Variants in HAVCR1 observed in about 807,000 individuals in gnomAD.
HAVCR1 encodes hepatitis A virus cellular receptor 1.
In HAVCR1, 34 loss-of-function variants were observed where a neutral mutation model predicts 32.0. That is an observed-to-expected ratio of 1.06 (90% CI 0.81 to 1.42). The LOEUF (loss-of-function observed/expected upper bound fraction) is 1.42. Ranked by LOEUF, HAVCR1 falls within the 40% of genes most tolerant of loss-of-function variation. The pLI is 0.00. For missense variants in HAVCR1, 420 were observed against 442.3 expected (o/e 0.95, Z 0.45); for synonymous variants, 178 against 170.3 (o/e 1.05, Z -0.35).
rs772744341 is a variant in HAVCR1 at position 157,055,153 on chromosome 5, G to A, written c.379+48C>T. 4.3e-5 allele frequency: 44 copies of A among 1,033,048 alleles called. No individual in the cohort carries two copies. In the East Asian group the frequency reaches 7.2e-4, roughly 17 times the overall value. 64.0% of individuals were successfully genotyped at this position (1,033,048 alleles called of 1,614,324 possible). The stretch of plus-strand genomic sequence containing the variant: ...ATTAAGAAAAAAGAAAATTACTACC[G>A]AACAGAAAATTCAATTAACTAGCAA... On this transcript the variant is annotated intron_variant, in intron 3 of 8. Transcript: ENST00000523175.
At chr5:157,068,420 C>CA in the HAVCR1 span, among the ~76,000 whole-genome samples, 459 of 151,882 alleles carry the variant, frequency 3.0e-3, 9 homozygotes, top group Non-Finnish European at 4.6e-4. Context: ...CGTATCTCTA[C>CA]AAAAAAAATT....
chr5:157,049,998 T>C (rs190202315), intron 4 of HAVCR1, among the ~76,000 whole-genome samples: 10 of 152,330 alleles, frequency 6.6e-5, no homozygotes, highest in Admixed American at 6.5e-4. Context: ...CACAAAGCAT[T>C]TACATGATTC....
Position 157,057,415 on chromosome 5 carries a change from GAAAGAAAGAAAGAAAGA to G in HAVCR1, c.46+466_46+482del, listed in dbSNP as rs1561606105. 3.0e-3 allele frequency among the ~76,000 whole-genome samples: 388 copies of G among 130,904 alleles called. 3 individuals are homozygous for G. The highest frequency in any genetic ancestry group is 0.01 in the African/African-American group (366 of 36,320). 85.9% of individuals were successfully genotyped at this position (130,904 alleles called of 152,430 possible). The stretch of plus-strand genomic sequence containing the variant: ...AGAAAGAAAGAAAGAAAGAAAGAAA[GAAAGAAAGAAAGAAAGA>G]AAGAAAGAAAGAAAGAAAGAAAGAA... On this transcript the variant is annotated intron_variant, in intron 2 of 8. Coordinates refer to ENST00000523175, the MANE Select transcript of HAVCR1 (RefSeq NM_001173393.3).
Position 157,049,021 on chromosome 5 carries a change from AAAGAGAACGCAGTTACCT to A in HAVCR1, c.780_781+16del. ...GTTTGAATGATCCCAGGTCTTCAGG[AAAGAGAACGCAGTTACCT>A]GTTGTGTAAGAGTACAATGGTGAGC... On this transcript the variant is annotated splice_donor_variant and splice_donor_5th_base_variant and coding_sequence_variant and intron_variant, in exon 5 of 9. Coordinates refer to ENST00000523175, the MANE Select transcript of HAVCR1 (RefSeq NM_001173393.3). LOFTEE classifies it high-confidence loss of function. 1 of 1,396,196 alleles carries A rather than the reference AAAGAGAACGCAGTTACCT, an allele frequency of 7.2e-7. No homozygotes were observed. Among genetic ancestry groups the A allele is most frequent in the Non-Finnish European group, 1.0e-6 (1 of 980,956 alleles). The allele number at this position is 1,396,196 out of a possible 1,614,324, so 86.5% of individuals were successfully genotyped here. A position where few individuals can be genotyped will look rare whatever the true frequency, so the allele number is the denominator to read the frequency against.
chr5:157,054,558 G>C (rs1424445211), intron 3 of HAVCR1, among the ~76,000 whole-genome samples: 1 of 152,112 alleles, frequency 6.6e-6, no homozygotes, highest in African/African-American at 2.4e-5. Context: ...AATAAATTCA[G>C]CTTGATAAAA....
upstream of HAVCR1, among the ~76,000 whole-genome samples, chr5:157,060,802 C>T (rs55712198): frequency 0.014 from 2,103 of 152,220 alleles, 14 homozygotes; most frequent in Non-Finnish European, 0.023. Flanking sequence ...ATATTGGTTA[C>T]AGAGTTATTC....
Position 157,056,100 on chromosome 5 carries a change from C to T in HAVCR1, c.47-567G>A, listed in dbSNP as rs187540595. 1.2e-4 allele frequency among the ~76,000 whole-genome samples: 18 copies of T among 151,952 alleles called. No individual in the cohort carries two copies. The East Asian group carries it at 3.6e-3, about 30-fold the overall frequency. On this transcript the variant is annotated intron_variant, in intron 2 of 8. Transcript: ENST00000523175. ...AAGTAGCTGGGATTACAGGCACATG[C>T]CACCACGCCCGGCTAATTTTTGTAT...
chr5:157,048,994 A>G (rs746598818), intron 5 of HAVCR1, 44 bp downstream of exon 5: 1 of 1,109,434 alleles, frequency 9.0e-7, no homozygotes, highest in South Asian at 1.2e-5. Context: ...ATGGTTATCA[A>G]GGTTTGAATG....
At chr5:157,049,449 C>T (rs1391882032) in intron 4 of HAVCR1, among the ~76,000 whole-genome samples, 1 of 152,208 alleles carries the variant, frequency 6.6e-6, no homozygotes, top group East Asian at 1.9e-4. Context: ...CTCAAACTTT[C>T]TATACTCCCA....
At chr5:157,037,388 A>G (rs759172493) in intron 6 of HAVCR1, 27 bp from the exon 7 acceptor site, 91 of 1,001,082 alleles carry the variant, frequency 9.1e-5, no homozygotes, top group Non-Finnish European at 1.3e-4. Context: ...AGATCAAAAA[A>G]GCATCTTGTT....
At chr5:157,032,011 T>C (rs976359525) in intron 8 of HAVCR1, among the ~76,000 whole-genome samples, 3 of 152,156 alleles carry the variant, frequency 2.0e-5, no homozygotes, top group African/African-American at 7.2e-5. Flanking sequence ...AGGAATTATC[T>C]TCCTCCAAAT....
chr5:157,055,658 G>C, intron 2 of HAVCR1, 125 bp from the exon 3 acceptor site: 1 of 578,716 alleles, frequency 1.7e-6, no homozygotes, highest in Non-Finnish European at 3.0e-6. Context: ...CCCAGGTCAG[G>C]AGTTCAAGAC....
chr5:157,053,689 A>G (rs747022802), intron 3 of HAVCR1, among the ~76,000 whole-genome samples: 12 of 150,484 alleles, frequency 8.0e-5, no homozygotes, highest in Non-Finnish European at 1.2e-4. Flanking sequence ...GGCCAACATG[A>G]TGAAACCCCA....
Position 157,037,148 on chromosome 5 carries a change from T to C in HAVCR1, c.952+99A>G, listed in dbSNP as rs1186747362. On this transcript the variant is annotated intron_variant, in intron 7 of 8. Transcript: ENST00000523175. ...GAGGATTTGGGGAGACAAAGGGAAG[T>C]CGTGTGAAATCAAAATCATGTGACT... is the stretch of plus-strand genomic sequence containing the variant. 5.4e-6 allele frequency: 4 copies of C among 742,062 alleles called. No homozygotes were observed. In the Admixed American group the frequency reaches 7.5e-5, roughly 14 times the overall value. 46.0% of individuals were successfully genotyped at this position (742,062 alleles called of 1,614,324 possible). A position where few individuals can be genotyped will look rare whatever the true frequency, so the allele number is the denominator to read the frequency against.
intron 5 of HAVCR1, among the ~76,000 whole-genome samples, chr5:157,044,384 GGAA>G (rs2113551863): frequency 2.8e-5 from 1 of 36,272 alleles, no homozygotes; most frequent in African/African-American, 1.2e-4. Context: ...AAGGAAGGAA[GGAA>G]GGAAGGAAGG....
chr5:157,057,815 C>T lies in HAVCR1; in HGVS notation c.46+83G>A, dbSNP rs1411656336. On this transcript the variant is annotated intron_variant, in intron 2 of 8. Coordinates refer to ENST00000523175, the MANE Select transcript of HAVCR1 (RefSeq NM_001173393.3). ...ATCTACATTAATCCACCACCACCAT[C>T]CCCTCCCCTTCCCCTACCCCATTCT... 5.2e-6 allele frequency: 5 copies of T among 954,630 alleles called. No individual in the cohort carries two copies. In the Admixed American group the frequency reaches 7.0e-5, roughly 13 times the overall value. The allele number at this position is 954,630 out of a possible 1,614,324, so 59.1% of individuals were successfully genotyped here. A position where few individuals can be genotyped will look rare whatever the true frequency, so the allele number is the denominator to read the frequency against.
chr5:157,049,947 A>C (rs1411408080), intron 4 of HAVCR1, among the ~76,000 whole-genome samples: 1 of 152,176 alleles, frequency 6.6e-6, no homozygotes, highest in Non-Finnish European at 1.5e-5. Context: ...ATTTCCTATC[A>C]GATATCTCAC....
In HAVCR1 at chr5:157,033,584, G is replaced by A. The variant is rs374833264; in HGVS notation, c.953-697C>T. Among the ~76,000 whole-genome samples, 1,278 of 146,430 alleles carry A rather than the reference G, an allele frequency of 8.7e-3. 20 individuals are homozygous for A. The highest frequency in any genetic ancestry group is 0.03 in the African/African-American group (1,177 of 39,276). On this transcript the variant is annotated intron_variant, in intron 7 of 8. Coordinates refer to ENST00000523175, the MANE Select transcript of HAVCR1 (RefSeq NM_001173393.3). ...TCAATGGCAGGGCGGGGGCGGGGGC[G>A]GGTGGGGGTGGTGGGGGAACTGATG...
At chr5:157,068,264 A>G in the HAVCR1 span, among the ~76,000 whole-genome samples, 1 of 152,018 alleles carries the variant, frequency 6.6e-6, no homozygotes, top group South Asian at 2.1e-4. Flanking sequence ...ACAGAGCAAG[A>G]TTCTGTCTCA....
Sources: gnomAD v4.1 joint callset for allele counts (sites outside exome capture counted in the v4.1 genomes callset) on GRCh38, gnomAD v4.1.1 for gene constraint, MANE v1.5 for transcripts, NCBI Gene and HGNC (gene_info 2026-07-23, HGNC 2026-07-21) for gene names.